The following CYP4Z1 variants were observed in gnomAD, a reference collection of about 807,000 sequenced individuals.
The protein encoded by CYP4Z1 is cytochrome P450 family 4 subfamily Z member 1.
CYP4Z1 carries 41 observed loss-of-function variants against 54.2 expected under a neutral mutation model. The observed-to-expected ratio is 0.76, with a 90% CI of 0.59 to 0.98. CYP4Z1 has a LOEUF of 0.98. Among genes scored for constraint, CYP4Z1 ranks in the 50% least tolerant of loss-of-function variants. The pLI, the probability that CYP4Z1 is intolerant of heterozygous loss-of-function variation, is 0.00. For missense variants in CYP4Z1, 513 were observed against 599.0 expected, an observed-to-expected ratio of 0.86 and a Z score of 1.50; for synonymous variants, 163 against 206.2, an observed-to-expected ratio of 0.79 and a Z score of 1.79.
chr1:47,086,482 C>T (rs371750459), intron 6 of CYP4Z1, among the ~76,000 whole-genome samples: 8 of 152,124 alleles, frequency 5.3e-5, no homozygotes, highest in Admixed American at 3.9e-4. Context: ...GTTGGCTGCA[C>T]AAATGTCTTC....
chr1:47,095,931 AAAAT>A (rs955401600), intron 7 of CYP4Z1, among the ~76,000 whole-genome samples: 1 of 152,182 alleles, frequency 6.6e-6, no homozygotes, highest in Non-Finnish European at 1.5e-5. Flanking sequence ...TGAGGGACCA[AAAAT>A]AAATAGATAC....
chr1:47,090,320 A>C (rs1644630451), intron 6 of CYP4Z1, among the ~76,000 whole-genome samples: 1 of 152,250 alleles, frequency 6.6e-6, no homozygotes, highest in Non-Finnish European at 1.5e-5. Context: ...TAAGGATAAT[A>C]ATTAGGCAAG....
intron 9 of CYP4Z1, among the ~76,000 whole-genome samples, chr1:47,107,765 C>G (rs1002210930): frequency 6.6e-6 from 1 of 152,132 alleles, no homozygotes; most frequent in African/African-American, 2.4e-5. Flanking sequence ...CCGACCCATA[C>G]AAAAGCTACA....
At chr1:47,108,385 G>A (rs866185454) in intron 9 of CYP4Z1, among the ~76,000 whole-genome samples, 3 of 152,188 alleles carry the variant, frequency 2.0e-5, no homozygotes, top group South Asian at 2.1e-4. Context: ...TCCTCTATAC[G>A]CTTTCTCTGC....
In CYP4Z1 at chr1:47,068,727, G is replaced by T; in HGVS notation, c.283G>T (p.Asp95Tyr). ...CTTTACGATGTTCTTCAGTGTCCAT[G>T]ACCCAGACTATGCCAAGATTCTCCT... ...GPFTMFFSVH[D>Y]PDYAKILLKR... The change falls in exon 2 of 12, where the codon GAC (aspartate) becomes TAC (tyrosine). Residue 95 changes from aspartate (D) to tyrosine (Y), a missense_variant. Asp to Tyr is a radical substitution (Grantham distance 160, BLOSUM62 -3). Coordinates refer to ENST00000334194, the MANE Select transcript of CYP4Z1 (RefSeq NM_178134.3). 6 of 1,614,146 alleles carry T rather than the reference G, an allele frequency of 3.7e-6. No homozygotes were observed. The highest frequency in any genetic ancestry group is 5.1e-6 in the Non-Finnish European group (6 of 1,180,006).
upstream of CYP4Z1, among the ~76,000 whole-genome samples, chr1:47,062,937 A>G (rs1435066802): frequency 1.3e-5 from 2 of 151,952 alleles, no homozygotes; most frequent in Admixed American, 6.6e-5. Context: ...CCAACACAAA[A>G]CCAGTGCACT....
At chr1:47,079,234 C>G (rs1409989685) in intron 2 of CYP4Z1, among the ~76,000 whole-genome samples, 1 of 152,154 alleles carries the variant, frequency 6.6e-6, no homozygotes, top group African/African-American at 2.4e-5. Flanking sequence ...TGCCATGGTA[C>G]TGGAGAGGGA....
At chr1:47,117,676 C>G in intron 11 of CYP4Z1, 90 bp from the exon 12 acceptor site, 1 of 1,385,152 alleles carries the variant, frequency 7.2e-7, no homozygotes, top group Middle Eastern at 2.6e-4. Flanking sequence ...TGTTTCCCTA[C>G]AAAAGTCGTC....
chr1:47,087,923 A>G (rs1644609558), intron 6 of CYP4Z1, among the ~76,000 whole-genome samples: 1 of 152,152 alleles, frequency 6.6e-6, no homozygotes. Context: ...GAATTTTGTC[A>G]AAGGCCTTTT....
At chr1:47,112,577 A>G (rs1644801409) in intron 9 of CYP4Z1, among the ~76,000 whole-genome samples, 1 of 152,204 alleles carries the variant, frequency 6.6e-6, no homozygotes, top group Non-Finnish European at 1.5e-5. Context: ...GTATATAAGT[A>G]CAAAAATTTT....
intron 6 of CYP4Z1, among the ~76,000 whole-genome samples, chr1:47,088,327 T>G (rs1569723573): frequency 6.6e-6 from 1 of 152,156 alleles, no homozygotes; most frequent in African/African-American, 2.4e-5. Context: ...TCTGGTCCTG[T>G]ACTTTTTTTG....
intron 6 of CYP4Z1, among the ~76,000 whole-genome samples, chr1:47,086,995 G>A (rs1218831258): frequency 6.6e-6 from 1 of 152,174 alleles, no homozygotes; most frequent in Non-Finnish European, 1.5e-5. Flanking sequence ...TCAAATATCA[G>A]ATGGGTGTAC....
chr1:47,098,319 G>A (rs534549909), intron 7 of CYP4Z1, among the ~76,000 whole-genome samples: 92 of 152,212 alleles, frequency 6.0e-4, no homozygotes, highest in Non-Finnish European at 8.4e-4. Context: ...AGTTCTTCTC[G>A]AAAAGGTCCT....
Position 47,085,885 on chromosome 1 carries a change from T to G in CYP4Z1, c.772+907T>G, listed in dbSNP as rs1458151849. On this transcript the variant is annotated intron_variant, in intron 6 of 11. Coordinates refer to ENST00000334194, the MANE Select transcript of CYP4Z1 (RefSeq NM_178134.3). ...CAGGCCCCAGTGTGTGATGTTCCCCTTCCTGTGTCCAAGTGTTCTCATTGT... is the reference window on the plus strand; with the variant it reads ...CAGGCCCCAGTGTGTGATGTTCCCCGTCCTGTGTCCAAGTGTTCTCATTGT... 7.5e-5 allele frequency among the ~76,000 whole-genome samples: 9 copies of G among 119,414 alleles called. No individual in the cohort carries two copies. In the Admixed American group the frequency reaches 1.1e-3, roughly 14 times the overall value. The allele number at this position is 119,414 out of a possible 152,430, so 78.3% of individuals were successfully genotyped here.
At chr1:47,112,095 A>G (rs1644795955) in intron 9 of CYP4Z1, among the ~76,000 whole-genome samples, 1 of 152,178 alleles carries the variant, frequency 6.6e-6, no homozygotes, top group Admixed American at 6.5e-5. Context: ...CTAAAAGGAA[A>G]CAGGTGAATT....
intron 9 of CYP4Z1, among the ~76,000 whole-genome samples, chr1:47,107,503 C>A (rs11211448): frequency 0.43 from 64,916 of 151,518 alleles, 15,189 homozygotes; most frequent in East Asian, 0.96. Context: ...TTATTACCTA[C>A]ATAATATTGC....
Position 47,084,291 on chromosome 1 carries a change from T to G in CYP4Z1, c.493-329T>G, listed in dbSNP as rs554275953. ...TGTTTATTTATGCTCTCTACAGATG[T>G]TTTTGAATTCTTATTTATTTTTTAT... is the stretch of plus-strand genomic sequence containing the variant. On this transcript the variant is annotated intron_variant, in intron 4 of 11. Transcript: ENST00000334194. Among the ~76,000 whole-genome samples the G allele has an allele frequency of 4.9e-3, 744 of 151,942 alleles. 5 individuals carry two copies. The highest frequency in any genetic ancestry group is 0.022 in the South Asian group (106 of 4,802).
intron 6 of CYP4Z1, among the ~76,000 whole-genome samples, chr1:47,088,703 A>G (rs948666931): frequency 4.4e-5 from 6 of 136,686 alleles, no homozygotes; most frequent in East Asian, 2.2e-4. Flanking sequence ...TGCAGATTCA[A>G]CCTCCTGGGT....
chr1:47,086,164 G>T (rs1382934251), intron 6 of CYP4Z1, among the ~76,000 whole-genome samples: 2 of 152,140 alleles, frequency 1.3e-5, no homozygotes, highest in Non-Finnish European at 2.9e-5. Context: ...ACGTGTGCAT[G>T]TGTCTTTATA....
Sources: gnomAD v4.1 joint callset for allele counts (sites outside exome capture counted in the v4.1 genomes callset) on GRCh38, gnomAD v4.1.1 for gene constraint, MANE v1.5 for transcripts, NCBI Gene and HGNC (gene_info 2026-07-23, HGNC 2026-07-21) for gene names.